Variants in KIF26B observed in about 807,000 individuals in gnomAD.
KIF26B encodes kinesin family member 26B.
Under a neutral mutation model 151.2 loss-of-function variants are expected in KIF26B, and 63 were observed. The ratio of observed to expected loss-of-function variants is 0.42; its 90% CI spans 0.34 to 0.51. The LOEUF (loss-of-function observed/expected upper bound fraction) is 0.51. KIF26B is among the 20% of genes least tolerant of loss of function. KIF26B has a pLI of 0.07. For synonymous variants in KIF26B, 1,357 were observed against 1,262.1 expected, an observed-to-expected ratio of 1.08 and a Z score of -1.59; for missense variants, 2,813 against 2,913.6, an observed-to-expected ratio of 0.97 and a Z score of 0.79.
Position 245,602,616 on chromosome 1 carries a change from G to T in KIF26B, c.1390G>T (p.Asp464Tyr). 1 of 1,613,896 alleles carries T rather than the reference G, an allele frequency of 6.2e-7. No homozygotes were observed. Among genetic ancestry groups the T allele is most frequent in the Non-Finnish European group, 8.5e-7 (1 of 1,179,816 alleles). The part of the protein sequence containing the change: ...MLRICSTLAR[D>Y]TSESSSFLKV... Reference sequence around the variant, plus strand: ...TCGCATCTGTTCCACCTTGGCTCGAGATACTTCAGAATCCAGCTCTTTCTT... The same window carrying T: ...TCGCATCTGTTCCACCTTGGCTCGATATACTTCAGAATCCAGCTCTTTCTT... The change falls in exon 6 of 15, where the codon GAT (aspartate) becomes TAT (tyrosine). Residue 464 changes from aspartate to tyrosine, a missense_variant. Physicochemically the swap from Asp to Tyr is radical, Grantham distance 160 (BLOSUM62 -3). Coordinates refer to ENST00000407071, the MANE Select transcript of KIF26B (RefSeq NM_018012.4). The surrounding 1 kb of genome is among the most constrained non-coding windows in gnomAD (Gnocchi z 4.5).
rs550539370 is a variant in KIF26B at position 245,649,682 on chromosome 1, AC to A, written c.2258+3410del. Among the ~76,000 whole-genome samples, 697 of 128,928 alleles carry A rather than the reference AC, an allele frequency of 5.4e-3. 5 individuals are homozygous for A. The highest frequency in any genetic ancestry group is 0.016 in the African/African-American group (528 of 33,718). 84.6% of individuals were successfully genotyped at this position (128,928 alleles called of 152,430 possible). On this transcript the variant is annotated intron_variant, in intron 10 of 14. Transcript: ENST00000407071. ...ATTCCATATTCTCTTTCCTTCCCCC[AC>A]CCCCCCCAAAAAACACAGACACCCC... is the stretch of plus-strand genomic sequence containing the variant.
chr1:245,315,266 G>A (rs1294625245), intron 2 of KIF26B, among the ~76,000 whole-genome samples: 1 of 151,670 alleles, frequency 6.6e-6, no homozygotes, highest in African/African-American at 2.4e-5. Context: ...TTCAGTCTGA[G>A]TTGATGAAAA....
chr1:245,207,268 A>G (rs1015820093), intron 2 of KIF26B, among the ~76,000 whole-genome samples: 3 of 152,218 alleles, frequency 2.0e-5, no homozygotes, highest in Non-Finnish European at 2.9e-5. Context: ...TGCTTCTCAC[A>G]GGACTGGTTG....
rs5782359 is a variant in KIF26B at position 245,612,054 on chromosome 1, TTGTGTGTGTGTGTGTGTGTGTGTGTGTG to T, written c.2098+103_2098+130del. ...GAAATCCCTTGGGCAACCATGACCT[TTGTGTGTGTGTGTGTGTGTGTGTGTGTG>T]TGTGTGTGTGTGTGTGTGTGTGTGA... On this transcript the variant is annotated intron_variant, in intron 9 of 14. Coordinates refer to ENST00000407071, the MANE Select transcript of KIF26B (RefSeq NM_018012.4). The T allele has an allele frequency of 2.2e-5, 15 of 677,680 alleles. No homozygotes were observed. In the African/African-American group the frequency reaches 2.5e-4, roughly 11 times the overall value. The allele number at this position is 677,680 out of a possible 1,614,324, so 42.0% of individuals were successfully genotyped here. A position where few individuals can be genotyped will look rare whatever the true frequency, so the allele number is the denominator to read the frequency against.
At chr1:245,449,351 C>A (rs1183746025) in intron 4 of KIF26B, among the ~76,000 whole-genome samples, 1 of 152,140 alleles carries the variant, frequency 6.6e-6, no homozygotes, top group African/African-American at 2.4e-5. Context: ...CTGGACACAC[C>A]ACAAAGGAAA....
Position 245,685,817 on chromosome 1 carries a change from T to C in KIF26B, c.2834T>C (p.Phe945Ser). ...GACGGCAGCGAGGAGCCCAGCAGCT[T>C]TCCTTTCGAAGAACTGCCTGCTCAG... ...CIDGSEEPSS[F>S]PFEELPAQFG... The change falls in exon 12 of 15, where the codon TTT (phenylalanine) becomes TCT (serine). Residue 945 changes from phenylalanine to serine, a missense_variant. Around this residue, in one of 3 missense-constraint regions of KIF26B, gnomAD observed 2,060 missense variants for 2,088.6 expected, o/e 0.99. Transcript: ENST00000407071. 1.3e-5 allele frequency: 21 copies of C among 1,610,718 alleles called. No individual in the cohort carries two copies. The highest frequency in any genetic ancestry group is 1.7e-5 in the Non-Finnish European group (20 of 1,178,310).
chr1:245,228,253 A>G (rs1009111117), intron 2 of KIF26B, among the ~76,000 whole-genome samples: 2 of 152,166 alleles, frequency 1.3e-5, no homozygotes, highest in Non-Finnish European at 2.9e-5. Flanking sequence ...GTACATTTCC[A>G]TAACTAGCAC....
At chr1:245,276,437 T>G (rs1670940780) in intron 2 of KIF26B, among the ~76,000 whole-genome samples, 1 of 152,228 alleles carries the variant, frequency 6.6e-6, no homozygotes, top group Admixed American at 6.5e-5. Context: ...CTGTTTATTT[T>G]GTGCTGAGCT....
At chr1:245,640,935 A>C (rs2103180984) in intron 9 of KIF26B, among the ~76,000 whole-genome samples, 1 of 152,248 alleles carries the variant, frequency 6.6e-6, no homozygotes, top group Non-Finnish European at 1.5e-5. Flanking sequence ...TAAAATTTTA[A>C]ATGGTTTAGA....
chr1:245,652,893 C>T (rs555205691), intron 10 of KIF26B, among the ~76,000 whole-genome samples: 1 of 152,296 alleles, frequency 6.6e-6, no homozygotes, highest in Non-Finnish European at 1.5e-5. Flanking sequence ...CGTAATGGCA[C>T]ATGATGGTCT....
At chr1:245,197,358 C>G (rs897918605) in intron 2 of KIF26B, among the ~76,000 whole-genome samples, 1 of 152,156 alleles carries the variant, frequency 6.6e-6, no homozygotes, top group Admixed American at 6.5e-5. Flanking sequence ...ATTAATCAGC[C>G]AGGAAGATCT....
At chr1:245,182,082 A>G (rs1451835696) in intron 2 of KIF26B, among the ~76,000 whole-genome samples, 2 of 152,146 alleles carry the variant, frequency 1.3e-5, no homozygotes, top group Non-Finnish European at 2.9e-5. Context: ...CTTTATTGAG[A>G]CAATTTATGT....
At chr1:245,513,572 C>T (rs1357038246) in intron 4 of KIF26B, among the ~76,000 whole-genome samples, 1 of 152,206 alleles carries the variant, frequency 6.6e-6, no homozygotes, top group Non-Finnish European at 1.5e-5. Flanking sequence ...GCCCGATGTT[C>T]TGCCAGAAAG....
At chr1:245,155,551 T>C in intron 1 of KIF26B, 64 bp downstream of exon 1, 1 of 1,406,206 alleles carries the variant, frequency 7.1e-7, no homozygotes, top group South Asian at 1.2e-5. Flanking sequence ...GGTCCCCCTT[T>C]CCCCGGGATC....
At chr1:245,376,818 G>C (rs1015159951) in intron 3 of KIF26B, among the ~76,000 whole-genome samples, 1 of 152,164 alleles carries the variant, frequency 6.6e-6, no homozygotes, top group Non-Finnish European at 1.5e-5. Flanking sequence ...CTCCTGAGTA[G>C]CTGGGATTAC....
intron 2 of KIF26B, among the ~76,000 whole-genome samples, chr1:245,186,347 G>A (rs1171433946): frequency 1.3e-5 from 2 of 152,166 alleles, no homozygotes; most frequent in African/African-American, 2.4e-5. Context: ...CCCTGCTTCC[G>A]TAACCTTGGG....
intron 9 of KIF26B, among the ~76,000 whole-genome samples, chr1:245,624,110 T>C (rs2043696066): frequency 6.6e-6 from 1 of 152,162 alleles, no homozygotes; most frequent in African/African-American, 2.4e-5. Flanking sequence ...GGAAGATGTG[T>C]CTTCCTTCAC....
At chr1:245,299,593 G>C (rs1185507671) in intron 2 of KIF26B, among the ~76,000 whole-genome samples, 2 of 152,130 alleles carry the variant, frequency 1.3e-5, no homozygotes, top group African/African-American at 4.8e-5. Flanking sequence ...TCTTACAACA[G>C]TCCTGAGACA....
intron 10 of KIF26B, among the ~76,000 whole-genome samples, chr1:245,661,659 GAC>G (rs1017683241): frequency 7.4e-6 from 1 of 134,900 alleles, no homozygotes; most frequent in Admixed American, 7.4e-5. Context: ...GTTATATATA[GAC>G]ACACACACTC....
Sources: gnomAD v4.1 joint callset for allele counts (sites outside exome capture counted in the v4.1 genomes callset) on GRCh38, gnomAD v4.1.1 for gene constraint, gnomAD v4.1.1 regional missense constraint, Gnocchi (gnomAD v3.1) non-coding constraint, MANE v1.5 for transcripts, NCBI Gene and HGNC (gene_info 2026-07-23, HGNC 2026-07-21) for gene names.